SGCD: variants seen among roughly 807,000 people sequenced by gnomAD.
SGCD encodes the protein delta-sarcoglycan.
SGCD carries 18 observed loss-of-function variants against 36.6 expected under a neutral mutation model. The observed-to-expected ratio is 0.49, with a 90% CI of 0.34 to 0.73. The LOEUF (loss-of-function observed/expected upper bound fraction) is 0.73. SGCD is among the 30% of genes least tolerant of loss of function. The probability of loss-of-function intolerance (pLI) is 0.01; values close to 1 mark genes in which losing one functional copy is unlikely to be tolerated. For synonymous variants in SGCD, 133 were observed against 130.6 expected, an observed-to-expected ratio of 1.02 and a Z score of -0.12; for missense variants, 387 against 346.7, an observed-to-expected ratio of 1.12 and a Z score of -0.92.
intron 3 of SGCD, among the ~76,000 whole-genome samples, chr5:156,502,904 G>A (rs1756518444): frequency 1.3e-5 from 2 of 152,156 alleles, no homozygotes; most frequent in Non-Finnish European, 2.9e-5. Context: ...TGGAAATAGA[G>A]GCCAGTAACA....
intron 1 of SGCD, among the ~76,000 whole-genome samples, chr5:156,041,496 G>C (rs761233901): frequency 5.9e-5 from 9 of 152,314 alleles, no homozygotes; most frequent in Admixed American, 3.3e-4. Flanking sequence ...CCTGAAGGAA[G>C]AATGTTCTGC....
chr5:155,965,726 A>G (rs1439668960), intron 1 of SGCD, among the ~76,000 whole-genome samples: 3 of 152,092 alleles, frequency 2.0e-5, no homozygotes, highest in African/African-American at 7.2e-5. Flanking sequence ...CAAGTCAAGC[A>G]ACTAACTGAC....
chr5:156,226,355 T>G (rs1311261180), intron 3 of SGCD, among the ~76,000 whole-genome samples: 1 of 152,160 alleles, frequency 6.6e-6, no homozygotes, highest in East Asian at 1.9e-4. Flanking sequence ...TTACCTACAA[T>G]AAGAGTCTCC....
chr5:156,491,159 A>T (rs2127849417), intron 3 of SGCD, among the ~76,000 whole-genome samples: 1 of 152,204 alleles, frequency 6.6e-6, no homozygotes, highest in South Asian at 2.1e-4. Context: ...GCTCTGCAAG[A>T]AAAACTATAA....
At chr5:156,073,205 A>G (rs1581080190) in intron 1 of SGCD, among the ~76,000 whole-genome samples, 1 of 152,174 alleles carries the variant, frequency 6.6e-6, no homozygotes, top group Admixed American at 6.5e-5. Flanking sequence ...ACGACGGAGT[A>G]GATGCAAAGT....
the SGCD span, among the ~76,000 whole-genome samples, chr5:155,848,479 G>A: frequency 6.6e-6 from 1 of 152,116 alleles, no homozygotes; most frequent in Admixed American, 6.6e-5. Flanking sequence ...GGAATATGCT[G>A]CATTCTCTCT....
chr5:155,792,663 A>G, the SGCD span, among the ~76,000 whole-genome samples: 1 of 152,322 alleles, frequency 6.6e-6, no homozygotes, highest in East Asian at 1.9e-4. Context: ...AATGCTCAAC[A>G]TCACTAGTCA....
At chr5:155,763,905 A>G in the SGCD span, among the ~76,000 whole-genome samples, 1 of 151,338 alleles carries the variant, frequency 6.6e-6, no homozygotes, top group African/African-American at 2.4e-5. Flanking sequence ...CTATACATGT[A>G]GACAGACTTT....
chr5:156,302,530 T>A (rs1767080180), intron 3 of SGCD, among the ~76,000 whole-genome samples: 1 of 152,148 alleles, frequency 6.6e-6, no homozygotes, highest in African/African-American at 2.4e-5. Flanking sequence ...TTCTTTATTT[T>A]GTTTAGTGAG....
chr5:156,306,798 C>T (rs1767225764), intron 3 of SGCD, among the ~76,000 whole-genome samples: 2 of 152,132 alleles, frequency 1.3e-5, no homozygotes, highest in Admixed American at 1.3e-4. Flanking sequence ...CAGGAATGAT[C>T]ACCAGAGGGT....
At chr5:155,982,322 A>C (rs192481963) in intron 1 of SGCD, among the ~76,000 whole-genome samples, 6 of 152,360 alleles carry the variant, frequency 3.9e-5, no homozygotes, top group African/African-American at 1.4e-4. Context: ...TGAACAAATA[A>C]ATGATAGGAG....
intron 1 of SGCD, among the ~76,000 whole-genome samples, chr5:156,019,222 T>A (rs1258480308): frequency 6.6e-6 from 1 of 152,234 alleles, no homozygotes; most frequent in Non-Finnish European, 1.5e-5. Context: ...TTGAAACATT[T>A]ATTTTGTGAT....
chr5:155,996,238 T>C (rs1758541765), intron 1 of SGCD, among the ~76,000 whole-genome samples: 1 of 152,122 alleles, frequency 6.6e-6, no homozygotes, highest in South Asian at 2.1e-4. Flanking sequence ...GTACTAAGCA[T>C]AGTACCCAAT....
chr5:155,800,583 T>C, the SGCD span, among the ~76,000 whole-genome samples: 2,585 of 56,538 alleles, frequency 0.046, 82 homozygotes, highest in African/African-American at 0.13. Flanking sequence ...TGAATGCTTA[T>C]AACATTTTTT....
rs568549735 is a variant in SGCD at position 155,979,175 on chromosome 5, G to A, written c.-282+108751G>A. Reference sequence around the variant, plus strand: ...ATTGGCACAACAACAGATGGTCCACGTTGGATCATTGCAACTACCTTGAAT... The same window carrying A: ...ATTGGCACAACAACAGATGGTCCACATTGGATCATTGCAACTACCTTGAAT... On this transcript the variant is annotated intron_variant, in intron 1 of 9. Transcript: ENST00000517913. 9.2e-5 allele frequency among the ~76,000 whole-genome samples: 14 copies of A among 152,296 alleles called. No homozygotes were observed. The South Asian group carries it at 1.0e-3, about 11-fold the overall frequency.
chr5:156,318,467 G>A (rs952164271), intron 3 of SGCD, among the ~76,000 whole-genome samples: 1 of 152,148 alleles, frequency 6.6e-6, no homozygotes, highest in African/African-American at 2.4e-5. Flanking sequence ...CCAATCCCTG[G>A]AACAGACCAA....
intron 3 of SGCD, among the ~76,000 whole-genome samples, chr5:156,159,802 T>C (rs1305552072): frequency 6.6e-6 from 1 of 151,692 alleles, no homozygotes; most frequent in Non-Finnish European, 1.5e-5. Context: ...TTATTTAATA[T>C]ATTGTAAGCA....
intron 4 of SGCD, among the ~76,000 whole-genome samples, chr5:156,548,406 T>C (rs1205471331): frequency 6.6e-6 from 1 of 152,176 alleles, no homozygotes; most frequent in Non-Finnish European, 1.5e-5. Context: ...AAGTACCAAA[T>C]TGAATACAAA....
chr5:156,271,633 A>T (rs1581209521), intron 3 of SGCD, among the ~76,000 whole-genome samples: 2 of 151,540 alleles, frequency 1.3e-5, no homozygotes. Flanking sequence ...ATGTGTGTGT[A>T]TGTGTGTGTG....
Sources: allele counts gnomAD v4.1 joint callset (sites outside exome capture counted in the v4.1 genomes callset), GRCh38; gene constraint gnomAD v4.1.1; transcripts MANE v1.5; gene names NCBI Gene and HGNC (gene_info 2026-07-23, HGNC 2026-07-21).